PPP1R12B: variants seen among roughly 807,000 people sequenced by gnomAD.
PPP1R12B encodes protein phosphatase 1 regulatory subunit 12B.
PPP1R12B carries 76 observed loss-of-function variants against 126.1 expected under a neutral mutation model. That is an observed-to-expected ratio of 0.60 (90% CI 0.50 to 0.73). The LOEUF (loss-of-function observed/expected upper bound fraction) is 0.73. Among genes scored for constraint, PPP1R12B ranks in the 30% least tolerant of loss-of-function variants. The pLI is 0.00. For missense variants in PPP1R12B, 1,052 were observed against 1,205.1 expected (o/e 0.87, Z 1.88); for synonymous variants, 356 against 434.7 (o/e 0.82, Z 2.25).
intron 19 of PPP1R12B, among the ~76,000 whole-genome samples, chr1:202,559,916 T>G (rs1367820603): frequency 6.6e-6 from 1 of 152,172 alleles, no homozygotes; most frequent in Non-Finnish European, 1.5e-5. Flanking sequence ...TCCCACAGAC[T>G]TCAAAATATG....
At chr1:202,468,483 AGATTCTGCCCAGATCATCCCCTTGCAAC>A (rs1277629933) in intron 13 of PPP1R12B, among the ~76,000 whole-genome samples, 1 of 152,208 alleles carries the variant, frequency 6.6e-6, no homozygotes, top group Admixed American at 6.5e-5. Context: ...TATTCTCTTT[AGATTCTGCCCAGATCATCCCCTTGCAAC>A]ATTTTATTCC....
intron 13 of PPP1R12B, among the ~76,000 whole-genome samples, chr1:202,459,900 C>T (rs1674105232): frequency 6.6e-6 from 1 of 152,194 alleles, no homozygotes; most frequent in South Asian, 2.1e-4. Context: ...CCAACAAGGT[C>T]ATCTGATTAT....
At chr1:202,531,339 A>G (rs1683926592) in intron 18 of PPP1R12B, among the ~76,000 whole-genome samples, 1 of 152,234 alleles carries the variant, frequency 6.6e-6, no homozygotes, top group African/African-American at 2.4e-5. Flanking sequence ...GTATGAGATC[A>G]AAAATTATTT....
Position 202,348,908 on chromosome 1 carries a change from G to C in PPP1R12B, c.57G>C (p.Arg19=), listed in dbSNP as rs772140084. ...GGGCAGAGTCGGCGCGAATGCGGCG[G>C]GCAGAGCAGCTTCGGCGCTGGCGGG... ...GKRAESARMR[R]AEQLRRWRGS... The change falls in exon 1 of 24, where the codon CGG becomes CGC. Residue 19 remains arginine (R), a synonymous_variant. Transcript: ENST00000608999. The C allele has an allele frequency of 3.7e-6, 6 of 1,609,950 alleles. No homozygotes were observed. The highest frequency in any genetic ancestry group is 2.1e-4 in the Middle Eastern group (1 of 4,794).
chr1:202,411,189 G>C (rs1313480195), intron 1 of PPP1R12B, among the ~76,000 whole-genome samples: 1 of 148,698 alleles, frequency 6.7e-6, no homozygotes, highest in Non-Finnish European at 1.5e-5. Flanking sequence ...ATTCACTTGA[G>C]AAGATTTTCA....
At chr1:202,353,233 T>C (rs1656365269) in intron 1 of PPP1R12B, among the ~76,000 whole-genome samples, 2 of 152,212 alleles carry the variant, frequency 1.3e-5, no homozygotes, top group Non-Finnish European at 1.5e-5. Context: ...TTTTAACCTT[T>C]TCTCTTTTAT....
At chr1:202,349,190 C>G (rs1655455579) in intron 1 of PPP1R12B, 48 bp downstream of exon 1, 1 of 1,597,230 alleles carries the variant, frequency 6.3e-7, no homozygotes, top group Non-Finnish European at 8.5e-7. Context: ...TACAGATGAG[C>G]CTTTGACCCT....
In PPP1R12B at chr1:202,450,546, A is replaced by G. The variant is rs188588887; in HGVS notation, c.1850+1375A>G. Among the ~76,000 whole-genome samples the G allele has an allele frequency of 2.7e-4, 41 of 152,334 alleles. No individual in the cohort carries two copies. In the East Asian group the frequency reaches 6.0e-3, roughly 22 times the overall value. ...CAGGTGAAATCTTATCAAAATTTAG[A>G]TTTCAGTTTGACTTCATATTATTTT... On this transcript the variant is annotated intron_variant, in intron 13 of 23. Transcript: ENST00000608999.
intron 1 of PPP1R12B, 105 bp from the exon 2 acceptor site, chr1:202,416,682 G>A (rs1668111447): frequency 1.0e-6 from 1 of 957,294 alleles, no homozygotes. Context: ...AGAAATTAAT[G>A]TATTATTAGA....
At chr1:202,472,360 G>A (rs1192036152) in intron 13 of PPP1R12B, among the ~76,000 whole-genome samples, 2 of 152,144 alleles carry the variant, frequency 1.3e-5, no homozygotes, top group Non-Finnish European at 2.9e-5. Context: ...GAGTGGTGGT[G>A]CTGAATTTGT....
chr1:202,353,770 CCAG>C (rs1419112743), intron 1 of PPP1R12B, among the ~76,000 whole-genome samples: 1 of 151,816 alleles, frequency 6.6e-6, no homozygotes, highest in Non-Finnish European at 1.5e-5. Context: ...CCCATCATAC[CCAG>C]CTAATTTTTA....
At chr1:202,456,765 A>G (rs1673697829) in intron 13 of PPP1R12B, among the ~76,000 whole-genome samples, 1 of 152,224 alleles carries the variant, frequency 6.6e-6, no homozygotes, top group South Asian at 2.1e-4. Context: ...TCAAGGATTT[A>G]ATACAGAAAC....
intron 1 of PPP1R12B, among the ~76,000 whole-genome samples, chr1:202,403,016 T>TG (rs965413610): frequency 1.6e-4 from 24 of 152,232 alleles, no homozygotes; most frequent in Non-Finnish European, 2.4e-4. Flanking sequence ...TGTGGGTATA[T>TG]GGGGGGGTCA....
intron 18 of PPP1R12B, among the ~76,000 whole-genome samples, chr1:202,554,073 C>G (rs1346407783): frequency 6.6e-6 from 1 of 152,070 alleles, no homozygotes; most frequent in East Asian, 1.9e-4. Flanking sequence ...CTTCTTTACC[C>G]AAGAAACCCC....
intron 18 of PPP1R12B, among the ~76,000 whole-genome samples, chr1:202,507,920 A>T (rs966393761): frequency 1.4e-4 from 21 of 152,238 alleles, no homozygotes; most frequent in African/African-American, 5.1e-4. Context: ...TGAGGTAGAA[A>T]GCTTGATGTG....
chr1:202,438,326 G>A, intron 10 of PPP1R12B: 2 of 1,303,596 alleles, frequency 1.5e-6, no homozygotes, highest in Non-Finnish European at 2.1e-6. Context: ...TTTCAGTATG[G>A]CGGAGGGGGG....
rs1687845254 is a variant in PPP1R12B, at chr1:202,564,334, C to T, written c.2653-109C>T. On this transcript the variant is annotated intron_variant, in intron 20 of 23. Coordinates refer to ENST00000608999, the MANE Select transcript of PPP1R12B (RefSeq NM_002481.4). ...TCCCTACCCTTCCTTCATTTTCTCT[C>T]TCTACCATATAGTGGTGGCTTGGGG... 3 of 703,972 alleles carry T rather than the reference C, an allele frequency of 4.3e-6. No homozygotes were observed. In the South Asian group the frequency reaches 5.3e-5, roughly 12 times the overall value. The allele number at this position is 703,972 out of a possible 1,614,324, so 43.6% of individuals were successfully genotyped here. A position where few individuals can be genotyped will look rare whatever the true frequency, so the allele number is the denominator to read the frequency against.
intron 8 of PPP1R12B, among the ~76,000 whole-genome samples, chr1:202,433,314 C>CTA (rs1326225814): frequency 6.0e-4 from 92 of 152,308 alleles, no homozygotes; most frequent in African/African-American, 2.0e-3. Context: ...TCTGCCTGAA[C>CTA]TATGGTCATT....
chr1:202,506,391 G>T (rs375007154), intron 18 of PPP1R12B, among the ~76,000 whole-genome samples: 2 of 152,138 alleles, frequency 1.3e-5, no homozygotes, highest in African/African-American at 2.4e-5. Context: ...ATTTTAGGTC[G>T]TGCTGTTGCC....
Sources: allele counts gnomAD v4.1 joint callset (sites outside exome capture counted in the v4.1 genomes callset), GRCh38; gene constraint gnomAD v4.1.1; transcripts MANE v1.5; gene names NCBI Gene and HGNC (gene_info 2026-07-23, HGNC 2026-07-21).